ST7L: variants seen among roughly 807,000 people sequenced by gnomAD.
ST7L encodes suppressor of tumorigenicity 7 protein-like.
In ST7L, 57 loss-of-function variants were observed where a neutral mutation model predicts 72.5. The observed-to-expected ratio is 0.79, with a 90% CI of 0.64 to 0.98. The LOEUF (loss-of-function observed/expected upper bound fraction) is 0.98. Ranked by LOEUF, ST7L falls within the 50% of genes least tolerant of loss-of-function variation. The pLI is 0.00. For synonymous variants in ST7L, 221 were observed against 240.9 expected, an observed-to-expected ratio of 0.92 and a Z score of 0.77; for missense variants, 576 against 672.2, an observed-to-expected ratio of 0.86 and a Z score of 1.58.
intron 11 of ST7L, among the ~76,000 whole-genome samples, chr1:112,568,065 A>G (rs796466302): frequency 6.6e-6 from 1 of 152,212 alleles, no homozygotes; most frequent in African/African-American, 2.4e-5. Context: ...AGCTCCAAAT[A>G]CCCATGATGT....
downstream of ST7L, chr1:112,521,651 T>C (rs1652888861): frequency 6.6e-6 from 1 of 152,200 alleles, no homozygotes; most frequent in Non-Finnish European, 1.5e-5. Context: ...CAAATCTTTA[T>C]TTAGTGACTC....
At position 112,584,112 on chromosome 1, in the gene ST7L, T is replaced by C. The variant is rs149944183; in HGVS notation, c.716A>G (p.Tyr239Cys). ...LELNNDCATA[Y>C]VLLAEEEATT... is the part of the protein sequence containing the mutation. ...TGCTTCTTCCTCAGCCAGTAGAACA[T>C]ATGCAGTGGCACAGCTATGAAGAAA... The change falls in exon 7 of 15, where the codon TAT (tyrosine) becomes TGT (cysteine). Residue 239 changes from tyrosine to cysteine, a missense_variant. Physicochemically the swap from Tyr to Cys is radical, Grantham distance 194. Coordinates refer to ENST00000358039, the MANE Select transcript of ST7L (RefSeq NM_017744.5). The C allele has an allele frequency of 1.8e-3, 2,966 of 1,613,298 alleles. 3 individuals carry two copies. Among genetic ancestry groups the C allele is most frequent in the Non-Finnish European group, 2.4e-3 (2,814 of 1,179,834 alleles).
At chr1:112,570,671 T>G (rs1053331312) in intron 11 of ST7L, 2 of 448,968 alleles carry the variant, frequency 4.5e-6, no homozygotes, top group African/African-American at 4.0e-5. Flanking sequence ...AATCCCTTTA[T>G]GTTTGCTTGC....
At chr1:112,614,834 T>C (rs972287006) in intron 2 of ST7L, among the ~76,000 whole-genome samples, 1 of 152,212 alleles carries the variant, frequency 6.6e-6, no homozygotes, top group African/African-American at 2.4e-5. Flanking sequence ...TGGCTATGCA[T>C]GGCATAAAAC....
chr1:112,592,241 G>GT (rs1401789303), intron 5 of ST7L, among the ~76,000 whole-genome samples: 1 of 152,096 alleles, frequency 6.6e-6, no homozygotes, highest in Non-Finnish European at 1.5e-5. Flanking sequence ...AGTAAGTAAA[G>GT]TTTTCTTTAA....
intron 14 of ST7L, chr1:112,540,113 TA>T: frequency 2.0e-6 from 2 of 985,466 alleles, no homozygotes; most frequent in South Asian, 4.7e-5. Flanking sequence ...AGGCAGACAC[TA>T]TAAACATTAA....
chr1:112,577,014 G>A lies in ST7L; in HGVS notation c.1217C>T (p.Ala406Val). 1 of 1,607,472 alleles carries A rather than the reference G, an allele frequency of 6.2e-7. No homozygotes were observed. ...TGGAACATGAGGATTAAATTCCACA[G>A]CTCTATGAATTGCTTCCACGGCATT... ...EINAVEAIHR[A>V]VEFNPHVPKY... is the part of the protein sequence containing the mutation. The change falls in exon 11 of 15, where the codon GCT becomes GTT. Residue 406 changes from alanine to valine, a missense_variant. Ala to Val is a moderately conservative substitution (Grantham distance 64). Transcript: ENST00000358039.
chr1:112,595,370 G>GAAAAA (rs67553307), intron 5 of ST7L, among the ~76,000 whole-genome samples: 2 of 51,998 alleles, frequency 3.8e-5, no homozygotes, highest in African/African-American at 7.7e-5. Flanking sequence ...GGTCTCAAAA[G>GAAAAA]AAAAAAAAAA....
chr1:112,564,455 C>T (rs1660640295), intron 11 of ST7L, among the ~76,000 whole-genome samples: 1 of 152,158 alleles, frequency 6.6e-6, no homozygotes, highest in Non-Finnish European at 1.5e-5. Flanking sequence ...GTCAACTGAG[C>T]ACCTGTTTCC....
At chr1:112,542,127 A>G (rs1303243320) in intron 13 of ST7L, 37 bp from the exon 14 acceptor site, 2 of 1,534,764 alleles carry the variant, frequency 1.3e-6, no homozygotes, top group Non-Finnish European at 1.8e-6. Flanking sequence ...ATTTTATTTC[A>G]GAATAACATG....
chr1:112,608,808 T>C (rs1398696041), intron 3 of ST7L, among the ~76,000 whole-genome samples: 1 of 152,142 alleles, frequency 6.6e-6, no homozygotes, highest in Non-Finnish European at 1.5e-5. Context: ...CCACTATTCC[T>C]AGTCAGGCTT....
intron 7 of ST7L, 122 bp downstream of exon 7, chr1:112,583,850 T>C (rs1664476609): frequency 1.3e-5 from 15 of 1,141,258 alleles, no homozygotes; most frequent in Non-Finnish European, 1.7e-5. Context: ...AATAGATTAG[T>C]TATTTCCAGT....
chr1:112,609,823 CTAAA>C (rs892084255), intron 3 of ST7L, among the ~76,000 whole-genome samples: 22 of 151,984 alleles, frequency 1.4e-4, no homozygotes, highest in Admixed American at 6.6e-4. Flanking sequence ...CTGTCTCTAA[CTAAA>C]TAAATAAATA....
In ST7L at chr1:112,610,710, T is replaced by C. The variant is rs1369957908; in HGVS notation, c.451+131A>G. ...AAGACCCTACCTCGTAACATCACAT[T>C]GGTGATTAGAATTTTGGGGGAAACA... On this transcript the variant is annotated intron_variant, in intron 3 of 14. Coordinates refer to ENST00000358039, the MANE Select transcript of ST7L (RefSeq NM_017744.5). The C allele has an allele frequency of 7.4e-5, 83 of 1,117,810 alleles. No individual in the cohort carries two copies. In the East Asian group the frequency reaches 2.0e-3, roughly 27 times the overall value. 69.2% of individuals were successfully genotyped at this position (1,117,810 alleles called of 1,614,324 possible).
chr1:112,612,198 G>T (rs1669176817), intron 2 of ST7L, among the ~76,000 whole-genome samples: 1 of 151,986 alleles, frequency 6.6e-6, no homozygotes, highest in Admixed American at 6.6e-5. Context: ...CCTGGGCTCA[G>T]GTGATCATCC....
At chr1:112,543,868 C>CAAAAAAAA (rs11418345) in intron 13 of ST7L, among the ~76,000 whole-genome samples, 1 of 59,424 alleles carries the variant, frequency 1.7e-5, no homozygotes, top group African/African-American at 6.6e-5. Flanking sequence ...GACTCTATCT[C>CAAAAAAAA]AAAAAAAAAA....
rs966531238 is a variant in ST7L, at chr1:112,524,577, G to T, written c.*1436C>A. 2.0e-5 allele frequency: 3 copies of T among 152,652 alleles called. No homozygotes were observed. Among genetic ancestry groups the T allele is most frequent in the African/African-American group, 7.2e-5 (3 of 41,430 alleles). The allele number at this position is 152,652 out of a possible 1,614,324, so 9.5% of individuals were successfully genotyped here. A position where few individuals can be genotyped will look rare whatever the true frequency, so the allele number is the denominator to read the frequency against. Reference sequence around the variant, plus strand: ...AGAGCTTCACATTACACAGAGACCTGTAGCTCACACCTGGTTATTGATGGC... The same window carrying T: ...AGAGCTTCACATTACACAGAGACCTTTAGCTCACACCTGGTTATTGATGGC... On this transcript the variant is annotated 3_prime_UTR_variant, in exon 15 of 15. Transcript: ENST00000358039.
downstream of ST7L, chr1:112,521,733 C>T (rs539132571): frequency 1.3e-5 from 2 of 152,262 alleles, no homozygotes; most frequent in South Asian, 2.1e-4. Context: ...TACCCATTGC[C>T]TAACTAGGTT....
chr1:112,545,502 C>A (rs544619313), intron 13 of ST7L, among the ~76,000 whole-genome samples: 1 of 152,064 alleles, frequency 6.6e-6, no homozygotes, highest in Non-Finnish European at 1.5e-5. Flanking sequence ...TATATTTGTT[C>A]CTGTTAAAAT....
Sources: gnomAD v4.1 joint callset for allele counts (sites outside exome capture counted in the v4.1 genomes callset) on GRCh38, gnomAD v4.1.1 for gene constraint, MANE v1.5 for transcripts, NCBI Gene and HGNC (gene_info 2026-07-23, HGNC 2026-07-21) for gene names.